The following DUSP11 variants were observed in gnomAD, a reference collection of about 807,000 sequenced individuals.
DUSP11 encodes dual specificity phosphatase 11, also known as RNA/RNP complex-1-interacting phosphatase.
A neutral mutation model predicts 41.4 loss-of-function variants in DUSP11; 27 were observed. The ratio of observed to expected loss-of-function variants is 0.65; its 90% confidence interval spans 0.48 to 0.90. The LOEUF (loss-of-function observed/expected upper bound fraction) is 0.90, where lower values mean the gene tolerates loss of function less well. Among genes scored for constraint, DUSP11 ranks in the 40% least tolerant of loss-of-function variants. The probability of loss-of-function intolerance (pLI) is 0.00; values close to 1 mark genes in which losing one functional copy is unlikely to be tolerated. For synonymous variants in DUSP11, 188 were observed against 159.3 expected (o/e 1.18, Z -1.35); for missense variants, 465 against 461.1 (o/e 1.01, Z -0.08).
intron 5 of DUSP11, chr2:73,768,763 TG>T: frequency 1.8e-6 from 1 of 561,256 alleles, no homozygotes; most frequent in Non-Finnish European, 2.3e-6. Flanking sequence ...AAGACCATCC[TG>T]GCTAACACGG....
At chr2:73,769,070 A>G (rs974253981) in intron 5 of DUSP11, 195 bp downstream of exon 5, 1 of 526,824 alleles carries the variant, frequency 1.9e-6, no homozygotes, top group Non-Finnish European at 3.4e-6. Flanking sequence ...AATAACATGT[A>G]TGCTTGTATC....
At chr2:73,765,702 G>A (rs776733153) in intron 8 of DUSP11, among the ~76,000 whole-genome samples, 9 of 151,888 alleles carry the variant, frequency 5.9e-5, no homozygotes, top group African/African-American at 9.7e-5. Flanking sequence ...TACTTTTGTC[G>A]TTTTATCTGT....
chr2:73,774,561 T>A (rs935695959), intron 3 of DUSP11, among the ~76,000 whole-genome samples: 2 of 152,222 alleles, frequency 1.3e-5, no homozygotes, highest in South Asian at 2.1e-4. Flanking sequence ...CCCCACCTCA[T>A]AGATCCTTTA....
At chr2:73,779,174 A>T (rs180814049) in intron 1 of DUSP11, among the ~76,000 whole-genome samples, 13 of 152,258 alleles carry the variant, frequency 8.5e-5, no homozygotes, top group Admixed American at 8.5e-4. Context: ...AAAAAAACGG[A>T]TTGGAAGAAA....
intron 2 of DUSP11, among the ~76,000 whole-genome samples, chr2:73,777,360 T>C (rs1672707225): frequency 6.6e-6 from 1 of 152,170 alleles, no homozygotes; most frequent in South Asian, 2.1e-4. Flanking sequence ...AAGTCACAAA[T>C]TAAGTAAATT....
chr2:73,780,089 G>T (rs777582669), exon 1 of DUSP11: 2 of 1,572,564 alleles, frequency 1.3e-6, no homozygotes, highest in Admixed American at 3.8e-5. Flanking sequence ...CACCTACGCC[G>T]CGCTCCAGCG....
intron 5 of DUSP11, 25 bp from the exon 6 acceptor site, chr2:73,767,232 C>T: frequency 1.3e-6 from 2 of 1,584,500 alleles, no homozygotes; most frequent in Non-Finnish European, 1.7e-6. Context: ...TAATTTGGGT[C>T]ATTTATATAC....
chr2:73,768,270 C>G (rs1348950158), intron 5 of DUSP11: 1 of 178,678 alleles, frequency 5.6e-6, no homozygotes, highest in Non-Finnish European at 1.1e-5. Flanking sequence ...CATGTCACTC[C>G]CCTTCTCAGC....
chr2:73,773,753 C>T (rs1401470309), intron 4 of DUSP11, 47 bp downstream of exon 4: 1 of 1,544,908 alleles, frequency 6.5e-7, no homozygotes, highest in Admixed American at 1.9e-5. Context: ...AAATCCCCAA[C>T]CCCATTCATA....
At chr2:73,779,276 A>G (rs1033268290) in intron 1 of DUSP11, among the ~76,000 whole-genome samples, 7 of 152,248 alleles carry the variant, frequency 4.6e-5, no homozygotes, top group Admixed American at 1.3e-4. Flanking sequence ...GTCAAAAGAT[A>G]GTAGATAAAA....
chr2:73,774,285 T>G (rs779751211), intron 3 of DUSP11, among the ~76,000 whole-genome samples: 1 of 152,160 alleles, frequency 6.6e-6, no homozygotes, highest in Non-Finnish European at 1.5e-5. Flanking sequence ...GAGTAGAGAA[T>G]AGAGTCAGAA....
intron 2 of DUSP11, among the ~76,000 whole-genome samples, chr2:73,775,570 G>C (rs1672664436): frequency 6.7e-6 from 1 of 148,872 alleles, no homozygotes; most frequent in African/African-American, 2.5e-5. Context: ...AAAGAGATAG[G>C]GTCAGCTGGG....
intron 5 of DUSP11, chr2:73,767,825 C>T (rs531665181): frequency 1.3e-5 from 2 of 152,684 alleles, no homozygotes; most frequent in Admixed American, 6.5e-5. Context: ...CAACTTGTCT[C>T]CTTGCTTCTA....
rs370070121 is a variant in DUSP11 at position 73,775,498 on chromosome 2, C to T, written c.319-454G>A. On this transcript the variant is annotated intron_variant, in intron 2 of 8. Coordinates refer to ENST00000272444, the Ensembl canonical transcript of DUSP11. The stretch of plus-strand genomic sequence containing the variant: ...GGCTCAAGCAATACTCCCACCTCAA[C>T]CTCACAAGTAGCTGGGACTACAGGC... Among the ~76,000 whole-genome samples, 8 of 150,560 alleles carry T rather than the reference C, an allele frequency of 5.3e-5. No individual in the cohort carries two copies. The East Asian group carries it at 1.2e-3, about 22-fold the overall frequency.
At chr2:73,764,892 G>A (rs1672428444) in intron 8 of DUSP11, among the ~76,000 whole-genome samples, 1 of 152,144 alleles carries the variant, frequency 6.6e-6, no homozygotes, top group African/African-American at 2.4e-5. Context: ...CTTGAACCTG[G>A]GAGGTGGAGG....
At chr2:73,772,726 G>A (rs972429278) in intron 4 of DUSP11, among the ~76,000 whole-genome samples, 1 of 152,110 alleles carries the variant, frequency 6.6e-6, no homozygotes. Flanking sequence ...TAAAGTACAG[G>A]GGAAGATCTG....
At chr2:73,776,863 T>C (rs1415949738) in intron 2 of DUSP11, among the ~76,000 whole-genome samples, 2 of 152,242 alleles carry the variant, frequency 1.3e-5, no homozygotes, top group Non-Finnish European at 2.9e-5. Flanking sequence ...CACAGGATTG[T>C]TGTGAAATGT....
At chr2:73,780,049 A>G (rs1368084857) in exon 1 of DUSP11, 1 of 1,612,176 alleles carries the variant, frequency 6.2e-7, no homozygotes, top group Non-Finnish European at 8.5e-7. Flanking sequence ...ATGCCAGGAT[A>G]AGACCCTAAA....
rs201091075 is a variant in DUSP11 at position 73,766,603 on chromosome 2, G to T, written c.759-9C>A. On this transcript the variant is annotated splice_polypyrimidine_tract_variant and intron_variant, in intron 7 of 8. Coordinates refer to ENST00000272444, the Ensembl canonical transcript of DUSP11. ...CACTGGAATTCCAATTCCTTAAAGA[G>T]AATATTTTCCACACAATATTACTGG... 5 of 1,599,268 alleles carry T rather than the reference G, an allele frequency of 3.1e-6. No individual in the cohort carries two copies. The highest frequency in any genetic ancestry group is 4.3e-6 in the Non-Finnish European group (5 of 1,175,152).
Sources: allele counts gnomAD v4.1 joint callset (sites outside exome capture counted in the v4.1 genomes callset), GRCh38; gene constraint gnomAD v4.1.1; transcripts MANE v1.5; gene names NCBI Gene and HGNC (gene_info 2026-07-23, HGNC 2026-07-21).